DOHH: variants seen among roughly 807,000 people sequenced by gnomAD.
The protein encoded by DOHH is deoxyhypusine hydroxylase.
A neutral mutation model predicts 19.9 loss-of-function variants in DOHH; 16 were observed. That is an observed-to-expected ratio of 0.80 (90% CI 0.54 to 1.22). The LOEUF is 1.22. Among genes scored for constraint, DOHH ranks in the 50% most tolerant of loss-of-function variants. The pLI is 0.00. For missense variants in DOHH, 460 were observed against 460.6 expected, an observed-to-expected ratio of 1.00 and a Z score of 0.01; for synonymous variants, 233 against 217.0, an observed-to-expected ratio of 1.07 and a Z score of -0.65.
chr19:3,491,913 A>G lies in DOHH; in HGVS notation c.590-102T>C, dbSNP rs2122052586. On this transcript the variant is annotated intron_variant, in intron 4 of 4. Coordinates refer to ENST00000427575, the MANE Select transcript of DOHH (RefSeq NM_001145165.2). This position sits in a 1 kb window ranked among gnomAD's most constrained non-coding sequence, Gnocchi z 5.6. The stretch of plus-strand genomic sequence containing the variant: ...TTGCTATCTTGCCCAGGCAGGTCAC[A>G]AAGTCCTGGCGATCTTCCCATCCCG... 2 of 1,238,316 alleles carry G rather than the reference A, an allele frequency of 1.6e-6. No individual in the cohort carries two copies. Among genetic ancestry groups the G allele is most frequent in the East Asian group, 2.9e-5 (1 of 34,056 alleles). The allele number at this position is 1,238,316 out of a possible 1,614,324, so 76.7% of individuals were successfully genotyped here. A position where few individuals can be genotyped will look rare whatever the true frequency, so the allele number is the denominator to read the frequency against.
At chr19:3,494,919 C>G (rs1599760057) in intron 2 of DOHH, among the ~76,000 whole-genome samples, 2 of 152,240 alleles carry the variant, frequency 1.3e-5, no homozygotes, top group South Asian at 4.1e-4. Context: ...GGCACAGACG[C>G]ACCAACTACC....
rs1211155692 is a variant in DOHH, at chr19:3,496,330, C to T, written c.274+211G>A. ...CCCTGCCCAGTTGAGGTTGTCTGGG[C>T]ACACAGCCTTAGCCATTTGGTGACA... is the stretch of plus-strand genomic sequence containing the variant. On this transcript the variant is annotated intron_variant, in intron 2 of 4. Coordinates refer to ENST00000427575, the MANE Select transcript of DOHH (RefSeq NM_001145165.2). This position sits in a 1 kb window ranked among gnomAD's most constrained non-coding sequence, Gnocchi z 4.8. Among the ~76,000 whole-genome samples, 1 of 152,224 alleles carries T rather than the reference C, an allele frequency of 6.6e-6. No homozygotes were observed. Among genetic ancestry groups the T allele is most frequent in the African/African-American group, 2.4e-5 (1 of 41,462 alleles).
In DOHH at chr19:3,492,475, C is replaced by A. The variant is rs777040004; in HGVS notation, c.376G>T (p.Val126Leu). ...TGCTGCAGCCACTCCAGCCTGCGCA[C>A]GGCCAGCTGGCAGGTCTCGGCCACC... is the stretch of plus-strand genomic sequence containing the variant. The part of the protein sequence containing the change: ...IEVAETCQLA[V>L]RRLEWLQQHG... The change falls in exon 4 of 5, where the codon GTG becomes TTG. Residue 126 changes from valine (V) to leucine (L), a missense_variant. Transcript: ENST00000427575. 3 of 1,409,848 alleles carry A rather than the reference C, an allele frequency of 2.1e-6. No homozygotes were observed. Among genetic ancestry groups the A allele is most frequent in the Non-Finnish European group, 2.8e-6 (3 of 1,088,288 alleles). The allele number at this position is 1,409,848 out of a possible 1,614,324, so 87.3% of individuals were successfully genotyped here.
In DOHH at chr19:3,491,025, A is replaced by C. The variant is rs2082865001; in HGVS notation, c.*467T>G. The C allele has an allele frequency of 4.9e-6, 1 of 202,154 alleles. No homozygotes were observed. Among genetic ancestry groups the C allele is most frequent in the Non-Finnish European group, 9.9e-6 (1 of 100,824 alleles). 12.5% of individuals were successfully genotyped at this position (202,154 alleles called of 1,614,324 possible). A position where few individuals can be genotyped will look rare whatever the true frequency, so the allele number is the denominator to read the frequency against. ...GCCACCATAACGTCAGCCTCTTCCCAGAGCCCCAGCTCTGCCCCTGGCTTC... is the reference window on the plus strand; with the variant it reads ...GCCACCATAACGTCAGCCTCTTCCCCGAGCCCCAGCTCTGCCCCTGGCTTC... On this transcript the variant is annotated 3_prime_UTR_variant, in exon 5 of 5. Transcript: ENST00000427575. This position sits in a 1 kb window ranked among gnomAD's most constrained non-coding sequence, Gnocchi z 5.6.
chr19:3,499,070 C>A (rs2082930457), intron 1 of DOHH, among the ~76,000 whole-genome samples: 1 of 152,188 alleles, frequency 6.6e-6, no homozygotes, highest in African/African-American at 2.4e-5. Flanking sequence ...ATTTTCCAGG[C>A]CTTCTCCCTG....
Position 3,491,860 on chromosome 19 carries a change from A to G in DOHH, c.590-49T>C. The G allele has an allele frequency of 7.1e-7, 1 of 1,401,380 alleles. No individual in the cohort carries two copies. Among genetic ancestry groups the G allele is most frequent in the Non-Finnish European group, 9.3e-7 (1 of 1,076,016 alleles). The allele number at this position is 1,401,380 out of a possible 1,614,324, so 86.8% of individuals were successfully genotyped here. A position where few individuals can be genotyped will look rare whatever the true frequency, so the allele number is the denominator to read the frequency against. ...TGGGGCCAGGAGGGGTGGGAAGGGGAGCTCTGTCTTTTCGAAGACATGGGG... is the reference window on the plus strand; with the variant it reads ...TGGGGCCAGGAGGGGTGGGAAGGGGGGCTCTGTCTTTTCGAAGACATGGGG... On this transcript the variant is annotated intron_variant, in intron 4 of 4. Coordinates refer to ENST00000427575, the MANE Select transcript of DOHH (RefSeq NM_001145165.2). The surrounding 1 kb of genome is among the most constrained non-coding windows in gnomAD (Gnocchi z 5.6).
chr19:3,491,467 G>C lies in DOHH; in HGVS notation c.*25C>G, dbSNP rs764777418. On this transcript the variant is annotated 3_prime_UTR_variant, in exon 5 of 5. Transcript: ENST00000427575. The surrounding 1 kb of genome is among the most constrained non-coding windows in gnomAD (Gnocchi z 5.6). The stretch of plus-strand genomic sequence containing the variant: ...GAGGAGCGGCCCTCAAGAGTCCTCC[G>C]GGAGCTCCGGGTGAGGGTGGGGCCC... The C allele has an allele frequency of 1.3e-6, 2 of 1,524,222 alleles. No individual in the cohort carries two copies. The highest frequency in any genetic ancestry group is 1.2e-5 in the South Asian group (1 of 83,156). 94.4% of individuals were successfully genotyped at this position (1,524,222 alleles called of 1,614,324 possible).
intron 2 of DOHH, 57 bp from the exon 3 acceptor site, chr19:3,494,161 C>A (rs571550184): frequency 5.2e-5 from 79 of 1,518,800 alleles, no homozygotes; most frequent in Non-Finnish European, 1.5e-5. Flanking sequence ...GGAAAATGCC[C>A]GGCTACCTCT....
At position 3,500,622 on chromosome 19, in the gene DOHH, C is replaced by G. The variant is rs368060856; in HGVS notation, c.-134G>C. ...GTAACCGCAGGCGCCTCTGCCACCA[C>G]CGCTTCACCTGCCGCGACGCCCGCA... On this transcript the variant is annotated 5_prime_UTR_variant, in exon 1 of 5. Coordinates refer to ENST00000427575, the MANE Select transcript of DOHH (RefSeq NM_001145165.2). The G allele has an allele frequency of 2.2e-4, 33 of 152,324 alleles. No individual in the cohort carries two copies. The highest frequency in any genetic ancestry group is 8.0e-4 in the African/African-American group (33 of 41,470). The allele number at this position is 152,324 out of a possible 1,614,324, so 9.4% of individuals were successfully genotyped here. A position where few individuals can be genotyped will look rare whatever the true frequency, so the allele number is the denominator to read the frequency against.
Position 3,496,403 on chromosome 19 carries a change from C to T in DOHH, c.274+138G>A, listed in dbSNP as rs1027315795. ...GAGTCGCTGTCTGGCTGCAGAGCTG[C>T]AGGTATTTACTATCTGGTGCTCTAT... On this transcript the variant is annotated intron_variant, in intron 2 of 4. Coordinates refer to ENST00000427575, the MANE Select transcript of DOHH (RefSeq NM_001145165.2). This position sits in a 1 kb window ranked among gnomAD's most constrained non-coding sequence, Gnocchi z 4.8. 2.3e-6 allele frequency: 3 copies of T among 1,287,748 alleles called. No individual in the cohort carries two copies. The highest frequency in any genetic ancestry group is 2.2e-5 in the Admixed American group (1 of 45,970). 79.8% of individuals were successfully genotyped at this position (1,287,748 alleles called of 1,614,324 possible).
chr19:3,495,467 CTCT>C (rs1438512300), intron 2 of DOHH, among the ~76,000 whole-genome samples: 3 of 152,332 alleles, frequency 2.0e-5, no homozygotes, highest in African/African-American at 7.2e-5. Flanking sequence ...ACTGTTTTGT[CTCT>C]TACTACATGA....
Position 3,491,807 on chromosome 19 carries a change from C to A in DOHH, c.594G>T (p.Leu198=). The change falls in exon 5 of 5, where the codon CTG becomes CTT. Residue 198 remains leucine (L), a synonymous_variant. Transcript: ENST00000427575. The surrounding 1 kb of genome is among the most constrained non-coding windows in gnomAD (Gnocchi z 5.6). ...EEAALALAEG[L]HCGSALFRHE... is the part of the protein sequence containing the mutation. ...GGCGGAAGAGGGCGCTCCCACAGTGCAGACCTGCAGGGGAGAGGGACACTC... is the reference window on the plus strand; with the variant it reads ...GGCGGAAGAGGGCGCTCCCACAGTGAAGACCTGCAGGGGAGAGGGACACTC... 1 of 1,474,182 alleles carries A rather than the reference C, an allele frequency of 6.8e-7. No individual in the cohort carries two copies. The highest frequency in any genetic ancestry group is 1.4e-5 in the South Asian group (1 of 73,248). The allele number at this position is 1,474,182 out of a possible 1,614,324, so 91.3% of individuals were successfully genotyped here. A position where few individuals can be genotyped will look rare whatever the true frequency, so the allele number is the denominator to read the frequency against.
At chr19:3,498,550 C>T (rs760832656) in intron 1 of DOHH, among the ~76,000 whole-genome samples, 6 of 152,102 alleles carry the variant, frequency 3.9e-5, no homozygotes, top group Non-Finnish European at 8.8e-5. Flanking sequence ...GGATTATAGG[C>T]ATGCACCACC....
Position 3,491,508 on chromosome 19 carries a change from C to A in DOHH, c.893G>T (p.Arg298Leu). Reference sequence around the variant, plus strand: ...GGTGGGGCCCTAGGAGGGGGCCCCGCGCAGCTGCTCCAGGCCGTCCGCGTA... The same window carrying A: ...GGTGGGGCCCTAGGAGGGGGCCCCGAGCAGCTGCTCCAGGCCGTCCGCGTA... ...FQYADGLEQL[R>L]GAPS The change falls in exon 5 of 5, where the codon CGC (arginine) becomes CTC (leucine). Residue 298 changes from arginine to leucine, a missense_variant. By Grantham distance (102) the Arg-to-Leu change is moderately radical. Transcript: ENST00000427575. This position sits in a 1 kb window ranked among gnomAD's most constrained non-coding sequence, Gnocchi z 5.6. The A allele has an allele frequency of 6.5e-7, 1 of 1,534,438 alleles. No individual in the cohort carries two copies. Among genetic ancestry groups the A allele is most frequent in the Non-Finnish European group, 8.7e-7 (1 of 1,146,348 alleles).
At chr19:3,495,131 G>A (rs12608678) in intron 2 of DOHH, among the ~76,000 whole-genome samples, 36,788 of 151,576 alleles carry the variant, frequency 0.24, 5,377 homozygotes, top group East Asian at 0.6. Context: ...CGGCCACCAC[G>A]CCCAGCTACT....
At chr19:3,499,974 A>T (rs1285724962) in intron 1 of DOHH, among the ~76,000 whole-genome samples, 1 of 152,150 alleles carries the variant, frequency 6.6e-6, no homozygotes, top group East Asian at 1.9e-4. Context: ...GTGCTTGGGA[A>T]CTTGCTTGGG....
At position 3,492,305 on chromosome 19, in the gene DOHH, C is replaced by A; in HGVS notation, c.546G>T (p.Leu182=). ...CGGCCTCCTCGCCTCCCGCGTTGCG[C>A]AGGGCGAACATGGCGCGGTATCGCT... The part of the protein sequence containing the change: ...LFERYRAMFA[L]RNAGGEEAAL... Residue 182 remains leucine, a synonymous_variant, in exon 4 of 5, where the codon CTG becomes CTT. Transcript: ENST00000427575. The A allele has an allele frequency of 6.5e-7, 1 of 1,529,004 alleles. No individual in the cohort carries two copies. Among genetic ancestry groups the A allele is most frequent in the Admixed American group, 2.1e-5 (1 of 48,726 alleles). 94.7% of individuals were successfully genotyped at this position (1,529,004 alleles called of 1,614,324 possible).
At chr19:3,494,232 C>T (rs1462368310) in intron 2 of DOHH, 128 bp from the exon 3 acceptor site, 2 of 747,490 alleles carry the variant, frequency 2.7e-6, no homozygotes, top group Non-Finnish European at 2.2e-6. Flanking sequence ...CCTCTGTCCA[C>T]GGCTGATTGG....
intron 4 of DOHH, 149 bp downstream of exon 4, chr19:3,492,113 G>A (rs2082874169): frequency 3.8e-6 from 3 of 788,690 alleles, no homozygotes; most frequent in African/African-American, 1.9e-5. Context: ...ACGCTTGCAC[G>A]GGTTCTTAAG....
Sources: allele counts gnomAD v4.1 joint callset (sites outside exome capture counted in the v4.1 genomes callset), GRCh38; gene constraint gnomAD v4.1.1; non-coding constraint Gnocchi (gnomAD v3.1); transcripts MANE v1.5; gene names NCBI Gene and HGNC (gene_info 2026-07-23, HGNC 2026-07-21).